Variants in PCNT observed in about 807,000 individuals in gnomAD.
PCNT encodes the protein pericentrin.
A neutral mutation model predicts 380.4 loss-of-function variants in PCNT; 319 were observed. The observed-to-expected ratio is 0.84, with a 90% CI of 0.77 to 0.92. The LOEUF (loss-of-function observed/expected upper bound fraction) is 0.92, where lower values mean the gene tolerates loss of function less well. PCNT is among the 40% of genes least tolerant of loss of function. PCNT has a pLI of 0.00. For synonymous variants in PCNT, 1,845 were observed against 1,735.2 expected, an observed-to-expected ratio of 1.06 and a Z score of -1.57; for missense variants, 4,400 against 4,255.3, an observed-to-expected ratio of 1.03 and a Z score of -0.95.
intron 44 of PCNT, chr21:46,442,872 A>C (rs1355221250): frequency 9.2e-6 from 4 of 433,494 alleles, no homozygotes; most frequent in Admixed American, 3.8e-5. Flanking sequence ...TTATTCCTTA[A>C]ATCAACTGAA....
intron 15 of PCNT, among the ~76,000 whole-genome samples, chr21:46,369,683 T>G (rs1407094572): frequency 1.3e-5 from 2 of 152,242 alleles, no homozygotes; most frequent in Non-Finnish European, 2.9e-5. Flanking sequence ...ACGGCCTGAT[T>G]TAGTCAGAGG....
chr21:46,417,708 C>T (rs1041526862), intron 30 of PCNT, among the ~76,000 whole-genome samples: 1 of 151,924 alleles, frequency 6.6e-6, no homozygotes, highest in Non-Finnish European at 1.5e-5. Flanking sequence ...TGAGACCAGG[C>T]TGGGTAACAC....
At chr21:46,328,585 C>G (rs930755451) in intron 2 of PCNT, among the ~76,000 whole-genome samples, 2 of 152,092 alleles carry the variant, frequency 1.3e-5, no homozygotes, top group Non-Finnish European at 2.9e-5. Flanking sequence ...GTCAGCCTCC[C>G]GTGTAGCTGG....
At chr21:46,386,098 T>A (rs1271763440) in intron 17 of PCNT, 115 bp downstream of exon 17, 1 of 1,213,570 alleles carries the variant, frequency 8.2e-7, no homozygotes, top group Non-Finnish European at 1.2e-6. Context: ...CCATGCACGC[T>A]GGCTCCTGGT....
chr21:46,409,978 G>A (rs552682252), intron 27 of PCNT, among the ~76,000 whole-genome samples: 6 of 152,306 alleles, frequency 3.9e-5, no homozygotes, highest in East Asian at 3.9e-4. Context: ...TGATATATGC[G>A]TTGTGATTAT....
At chr21:46,344,906 A>C (rs2084018541) in intron 3 of PCNT, among the ~76,000 whole-genome samples, 1 of 152,240 alleles carries the variant, frequency 6.6e-6, no homozygotes, top group South Asian at 2.1e-4. Flanking sequence ...CTGAGAAAAA[A>C]GTTGAAGCAA....
In PCNT at chr21:46,417,781, T is replaced by C. The variant is rs185843596; in HGVS notation, c.6922-423T>C. Among the ~76,000 whole-genome samples the C allele has an allele frequency of 2.0e-5, 3 of 152,202 alleles. No individual in the cohort carries two copies. The East Asian group carries it at 5.8e-4, about 29-fold the overall frequency. On this transcript the variant is annotated intron_variant, in intron 30 of 46. Transcript: ENST00000359568. The stretch of plus-strand genomic sequence containing the variant: ...TAGCTGGGCGTGCTGGTGCCGCCCA[T>C]GGTCCCTGCTCTTCAGGAGGCTGAG...
chr21:46,365,638 T>TGGGGTTCTATTCACTGCCATG (rs1431069276), intron 14 of PCNT, among the ~76,000 whole-genome samples: 1 of 146,148 alleles, frequency 6.8e-6, no homozygotes, highest in Non-Finnish European at 1.5e-5. Flanking sequence ...ATCACTGCCA[T>TGGGGTTCTATTCACTGCCATG]GGGGTTCTAT....
intron 6 of PCNT, 71 bp from the exon 7 acceptor site, chr21:46,348,941 A>T: frequency 1.9e-6 from 2 of 1,065,146 alleles, no homozygotes; most frequent in Non-Finnish European, 2.9e-6. Context: ...AGAGGTTTTG[A>T]CTGTGTGATT....
At position 46,416,176 on chromosome 21, in the gene PCNT, C is replaced by T. The variant is rs148128278; in HGVS notation, c.6258C>T (p.Phe2086=). 27 of 1,614,078 alleles carry T rather than the reference C, an allele frequency of 1.7e-5. No individual in the cohort carries two copies. The African/African-American group carries it at 3.1e-4, about 18-fold the overall frequency. Residue 2086 remains phenylalanine, a synonymous_variant, in exon 30 of 47, where the codon TTC becomes TTT. Transcript: ENST00000359568. ...ACCGTTTGCTGTATTCCATGACCTTCCAGAATGTGGATGCTGCCGACACCA... is the reference window on the plus strand; with the variant it reads ...ACCGTTTGCTGTATTCCATGACCTTTCAGAATGTGGATGCTGCCGACACCA... ...KLNRLLYSMT[F]QNVDAADTKS...
intron 29 of PCNT, among the ~76,000 whole-genome samples, chr21:46,414,004 T>C (rs1307292007): frequency 6.6e-6 from 1 of 151,498 alleles, no homozygotes; most frequent in Admixed American, 6.6e-5. Context: ...CTTTTTTTTT[T>C]TTTTTGAGAC....
At position 46,430,187 on chromosome 21, in the gene PCNT, T is replaced by G. The variant is rs1477293568; in HGVS notation, c.7868T>G (p.Leu2623Arg). The G allele has an allele frequency of 6.2e-7, 1 of 1,614,010 alleles. No individual in the cohort carries two copies. Among genetic ancestry groups the G allele is most frequent in the East Asian group, 2.2e-5 (1 of 44,878 alleles). The stretch of plus-strand genomic sequence containing the variant: ...GAGAGCAGGCAGAAGAGCGAACAGC[T>G]GTCCCGGTCCCTCTGCGAGGTGCAG... ...LCESRQKSEQ[L>R]SRSLCEVQQE... is the part of the protein sequence containing the mutation. Residue 2623 changes from leucine to arginine, a missense_variant, in exon 36 of 47, where the codon CTG (leucine) becomes CGG (arginine). Physicochemically the swap from Leu to Arg is moderately radical, Grantham distance 102 (BLOSUM62 -2). Coordinates refer to ENST00000359568, the MANE Select transcript of PCNT (RefSeq NM_006031.6).
At chr21:46,428,319 A>T in intron 34 of PCNT, 76 bp from the exon 35 acceptor site, 1 of 1,364,990 alleles carries the variant, frequency 7.3e-7, no homozygotes, top group Non-Finnish European at 1.0e-6. Flanking sequence ...GCTGGTTTTG[A>T]GGGCGGGCAG....
chr21:46,375,152 A>G (rs906848794), intron 15 of PCNT, among the ~76,000 whole-genome samples: 5 of 152,074 alleles, frequency 3.3e-5, no homozygotes, highest in African/African-American at 1.2e-4. Context: ...ATCCCATAAG[A>G]TTCCCCTGCC....
At chr21:46,396,452 G>A (rs1450356430) in intron 21 of PCNT, among the ~76,000 whole-genome samples, 1 of 152,202 alleles carries the variant, frequency 6.6e-6, no homozygotes. Flanking sequence ...TCCCAAAGCC[G>A]CTTATTGAGG....
intron 15 of PCNT, 100 bp downstream of exon 15, chr21:46,367,239 C>A: frequency 1.0e-6 from 1 of 998,490 alleles, no homozygotes; most frequent in Admixed American, 2.0e-5. Flanking sequence ...CTGTGTGTGC[C>A]TGTGCGGGTG....
intron 36 of PCNT, 45 bp from the exon 37 acceptor site, chr21:46,430,462 A>G (rs1192138360): frequency 1.9e-6 from 3 of 1,548,484 alleles, no homozygotes; most frequent in Admixed American, 2.0e-5. Context: ...CCGGGAACAC[A>G]CTCTGGCCCA....
At chr21:46,346,250 G>C (rs1189049822) in intron 4 of PCNT, 42 bp downstream of exon 4, 1 of 1,296,996 alleles carries the variant, frequency 7.7e-7, no homozygotes, top group Non-Finnish European at 1.1e-6. Flanking sequence ...CATGGGCTCT[G>C]TTATCCCCAC....
Position 46,349,019 on chromosome 21 carries a change from A to G in PCNT, c.1040A>G (p.Lys347Arg), listed in dbSNP as rs80166001. 2.3e-4 allele frequency: 360 copies of G among 1,579,456 alleles called. 5 individuals are homozygous for G. The East Asian group carries it at 7.6e-3, about 33-fold the overall frequency. Reference protein sequence around the residue: ...EKNAQIVKTLKEDWESEKDLC... With the variant: ...EKNAQIVKTLREDWESEKDLC... ...TTTTTTCTTTTAAATTAGACCCTGA[A>G]GGAAGATTGGGAATCTGAAAAAGAT... The change falls in exon 7 of 47, where the codon AAG (lysine) becomes AGG (arginine). Residue 347 changes from lysine (K) to arginine (R), a missense_variant. Physicochemically the swap from Lys to Arg is conservative, Grantham distance 26. Transcript: ENST00000359568.
Sources: allele counts gnomAD v4.1 joint callset (sites outside exome capture counted in the v4.1 genomes callset), GRCh38; gene constraint gnomAD v4.1.1; transcripts MANE v1.5; gene names NCBI Gene and HGNC (gene_info 2026-07-23, HGNC 2026-07-21).